Variants in PCDHA6 observed in about 807,000 individuals in gnomAD.
PCDHA6 encodes the protein protocadherin alpha-6.
Under a neutral mutation model 60.3 loss-of-function variants are expected in PCDHA6, and 55 were observed. That is an observed-to-expected ratio of 0.91 (90% CI 0.73 to 1.14). The LOEUF (loss-of-function observed/expected upper bound fraction) is 1.14. PCDHA6 is among the 50% of genes most tolerant of loss of function. The pLI, the probability that PCDHA6 is intolerant of heterozygous loss-of-function variation, is 0.00. For missense variants in PCDHA6, 1,327 were observed against 1,256.5 expected, an observed-to-expected ratio of 1.06 and a Z score of -0.85; for synonymous variants, 652 against 557.9, an observed-to-expected ratio of 1.17 and a Z score of -2.38.
rs1228341912 is a variant in PCDHA6 at position 140,843,752 on chromosome 5, T to G, written c.2394+13267T>G. 2.6e-6 allele frequency: 4 copies of G among 1,516,428 alleles called. No individual in the cohort carries two copies. In the African/African-American group the frequency reaches 5.5e-5, roughly 21 times the overall value. The allele number at this position is 1,516,428 out of a possible 1,614,324, so 93.9% of individuals were successfully genotyped here. ...TAAATTTAGAACTCATAAATTCTAT[T>G]TGTGGAAATTGTAGTTACTTTAAAA... On this transcript the variant is annotated intron_variant, in intron 1 of 3. Transcript: ENST00000529310.
At chr5:140,911,564 C>A (rs1036102678) in intron 1 of PCDHA6, among the ~76,000 whole-genome samples, 2 of 152,226 alleles carry the variant, frequency 1.3e-5, no homozygotes, top group African/African-American at 4.8e-5. Flanking sequence ...TCTTTCATCA[C>A]TTTGTCCAGT....
intron 1 of PCDHA6, chr5:140,868,917 AAGTT>A: frequency 1.0e-6 from 1 of 955,956 alleles, no homozygotes; most frequent in Non-Finnish European, 1.5e-6. Flanking sequence ...ACTTGGTGGA[AAGTT>A]CATTTAAAGG....
intron 3 of PCDHA6, among the ~76,000 whole-genome samples, chr5:140,997,495 C>T (rs1255911617): frequency 6.6e-6 from 1 of 152,078 alleles, no homozygotes; most frequent in East Asian, 1.9e-4. Context: ...ATTTGTGTAT[C>T]TCAACATACC....
rs2150240136 is a variant in PCDHA6, at chr5:140,835,634, T to G, written c.2394+5149T>G. 6.8e-6 allele frequency: 11 copies of G among 1,613,690 alleles called. No homozygotes were observed. The highest frequency in any genetic ancestry group is 1.1e-5 in the South Asian group (1 of 91,070). On this transcript the variant is annotated intron_variant, in intron 1 of 3. Transcript: ENST00000529310. The stretch of plus-strand genomic sequence containing the variant: ...TGGACAGCGCTCTGGACCGCGAGAG[T>G]GTGTCCGCCTATGAGCTGGTGGTTA...
chr5:140,989,538 T>G (rs1254500205), intron 3 of PCDHA6, among the ~76,000 whole-genome samples: 3 of 152,180 alleles, frequency 2.0e-5, no homozygotes, highest in Non-Finnish European at 4.4e-5. Flanking sequence ...GAAGATAGTT[T>G]GTAATTCCTT....
chr5:140,890,068 T>C (rs1353953909), intron 1 of PCDHA6, among the ~76,000 whole-genome samples: 2 of 152,196 alleles, frequency 1.3e-5, no homozygotes, highest in African/African-American at 4.8e-5. Flanking sequence ...TTTACTGGCT[T>C]ATGAGAACTG....
Position 140,832,211 on chromosome 5 carries a change from A to G in PCDHA6, c.2394+1726A>G, listed in dbSNP as rs143111478. 2.9e-3 allele frequency among the ~76,000 whole-genome samples: 436 copies of G among 152,312 alleles called. 3 individuals are homozygous for G. Among genetic ancestry groups the G allele is most frequent in the Middle Eastern group, 0.014 (4 of 294 alleles). Reference sequence around the variant, plus strand: ...CATTTAACCTGCTGAGTCCTCAGTGATTTCCTGGAGTTGGTTTTGACTTTT... The same window carrying G: ...CATTTAACCTGCTGAGTCCTCAGTGGTTTCCTGGAGTTGGTTTTGACTTTT... On this transcript the variant is annotated intron_variant, in intron 1 of 3. Coordinates refer to ENST00000529310, the MANE Select transcript of PCDHA6 (RefSeq NM_018909.4).
chr5:140,919,201 A>AT (rs1328020690), intron 1 of PCDHA6, among the ~76,000 whole-genome samples: 1 of 152,202 alleles, frequency 6.6e-6, no homozygotes. Flanking sequence ...TTTTGTCATT[A>AT]TAAAATGTCC....
intron 1 of PCDHA6, chr5:140,841,598 G>A (rs2150318945): frequency 8.1e-6 from 13 of 1,614,142 alleles, no homozygotes; most frequent in Admixed American, 6.7e-5. Context: ...GATCGACCGC[G>A]AGGAGCTGTG....
chr5:140,939,803 T>C (rs2092462819), intron 1 of PCDHA6, among the ~76,000 whole-genome samples: 1 of 152,228 alleles, frequency 6.6e-6, no homozygotes, highest in African/African-American at 2.4e-5. Flanking sequence ...ATGTTCTGCA[T>C]GTTCAAGAAA....
chr5:140,940,844 T>C (rs942965203), intron 1 of PCDHA6, among the ~76,000 whole-genome samples: 1 of 152,228 alleles, frequency 6.6e-6, no homozygotes. Flanking sequence ...TTCTTCACGA[T>C]AGATTTTTAT....
In PCDHA6 at chr5:141,002,285, A is replaced by C. The variant is rs2098070605; in HGVS notation, c.2543-7342A>C. On this transcript the variant is annotated intron_variant, in intron 3 of 3. Coordinates refer to ENST00000529310, the MANE Select transcript of PCDHA6 (RefSeq NM_018909.4). ...CCCAGAGCTGGTAACAAAGGGATGA[A>C]TGGGGAGCAAAGGGGCGGGGCCGAA... 4.6e-5 allele frequency among the ~76,000 whole-genome samples: 7 copies of C among 152,158 alleles called. No individual in the cohort carries two copies. In the South Asian group the frequency reaches 1.4e-3, roughly 31 times the overall value.
chr5:140,836,660 C>T (rs2150267117), intron 1 of PCDHA6: 1 of 1,613,436 alleles, frequency 6.2e-7, no homozygotes, highest in Non-Finnish European at 8.5e-7. Flanking sequence ...AGAGGGTGTG[C>T]TCTGGGGAGG....
chr5:140,876,791 G>C lies in PCDHA6; in HGVS notation c.2394+46306G>C, dbSNP rs782617794. 4.3e-6 allele frequency: 7 copies of C among 1,614,242 alleles called. No homozygotes were observed. The Admixed American group carries it at 1.2e-4, about 27-fold the overall frequency. On this transcript the variant is annotated intron_variant, in intron 1 of 3. Coordinates refer to ENST00000529310, the MANE Select transcript of PCDHA6 (RefSeq NM_018909.4). ...TCGCCTTCGCTGTGGGCCACGGCTA[G>C]AGTGTCCGTGGAGGTGGCCGACGTG...
At chr5:140,868,966 A>G (rs2050768695) in intron 1 of PCDHA6, 1 of 1,433,890 alleles carries the variant, frequency 7.0e-7, no homozygotes, top group Non-Finnish European at 9.3e-7. Flanking sequence ...CATACAAAGG[A>G]ACTCCATCAT....
chr5:140,866,357 A>G (rs1397788324), intron 1 of PCDHA6: 1 of 152,156 alleles, frequency 6.6e-6, no homozygotes, highest in Non-Finnish European at 1.5e-5. Flanking sequence ...AATGTTTACA[A>G]TATTGCATAC....
chr5:140,830,115 C>T lies in PCDHA6; in HGVS notation c.2024C>T (p.Ala675Val), dbSNP rs2150181340. 2.2e-5 allele frequency: 35 copies of T among 1,613,546 alleles called. No individual in the cohort carries two copies. In the East Asian group the frequency reaches 7.1e-4, roughly 33 times the overall value. The change falls in exon 1 of 4, where the codon GCT becomes GTT. Residue 675 changes from alanine to valine, a missense_variant. Physicochemically the swap from Ala to Val is moderately conservative, Grantham distance 64. Transcript: ENST00000529310. Reference sequence around the variant, plus strand: ...GTGTCGCTGGTGGAGAGTGGCCAGGCTCCAAAGGCGTCATCACGGGCGTCG... The same window carrying T: ...GTGTCGCTGGTGGAGAGTGGCCAGGTTCCAAAGGCGTCATCACGGGCGTCG... ...VLVSLVESGQAPKASSRASVG... is the reference protein window; with the variant it reads ...VLVSLVESGQVPKASSRASVG...
chr5:140,937,868 C>T (rs1433466146), intron 1 of PCDHA6, among the ~76,000 whole-genome samples: 2 of 150,648 alleles, frequency 1.3e-5, no homozygotes, highest in Admixed American at 6.6e-5. Context: ...GCCGAGATCG[C>T]GCCACTGCAC....
At chr5:140,869,419 C>G (rs782550413) in intron 1 of PCDHA6, 10 of 1,614,078 alleles carry the variant, frequency 6.2e-6, no homozygotes, top group African/African-American at 1.3e-5. Context: ...CAGCATCCAC[C>G]TGGAGGTGAT....
Sources: gnomAD v4.1 joint callset for allele counts (sites outside exome capture counted in the v4.1 genomes callset) on GRCh38, gnomAD v4.1.1 for gene constraint, MANE v1.5 for transcripts, NCBI Gene and HGNC (gene_info 2026-07-23, HGNC 2026-07-21) for gene names.